Variants in GLI2 observed in about 807,000 individuals in gnomAD.
The protein encoded by GLI2 is transcription activator GLI2.
A neutral mutation model predicts 78.9 loss-of-function variants in GLI2; 22 were observed. The observed-to-expected ratio is 0.28, with a 90% confidence interval of 0.20 to 0.40. GLI2 has a LOEUF of 0.40. Ranked by LOEUF, GLI2 falls within the 10% of genes least tolerant of loss-of-function variation. GLI2 has a pLI of 1.00. For missense variants in GLI2, 2,097 were observed against 2,213.2 expected, an observed-to-expected ratio of 0.95 and a Z score of 1.05; for synonymous variants, 974 against 963.7, an observed-to-expected ratio of 1.01 and a Z score of -0.20.
chr2:120,768,308 G>A (rs1683424386), intron 1 of GLI2, among the ~76,000 whole-genome samples: 1 of 152,208 alleles, frequency 6.6e-6, no homozygotes. Context: ...GAGCCAGAGA[G>A]GAGAAGCGCC....
chr2:120,876,686 C>T (rs1204189970), intron 2 of GLI2, among the ~76,000 whole-genome samples: 1 of 151,998 alleles, frequency 6.6e-6, no homozygotes, highest in Non-Finnish European at 1.5e-5. Context: ...CTGAGGAAGG[C>T]CTGGCTCCAC....
intron 9 of GLI2, among the ~76,000 whole-genome samples, chr2:120,976,792 G>C (rs1682475071): frequency 6.6e-6 from 1 of 152,134 alleles, no homozygotes; most frequent in African/African-American, 2.4e-5. Context: ...CCAGGCCCTG[G>C]AAAAAGCAGA....
chr2:120,784,901 C>T (rs772418549), intron 1 of GLI2, among the ~76,000 whole-genome samples: 37 of 152,192 alleles, frequency 2.4e-4, no homozygotes, highest in Non-Finnish European at 4.3e-4. Flanking sequence ...CTCCCCACCC[C>T]ACACCTGGAC....
chr2:120,985,018 G>A (rs1018139333), intron 12 of GLI2, among the ~76,000 whole-genome samples: 2 of 152,178 alleles, frequency 1.3e-5, no homozygotes, highest in African/African-American at 2.4e-5. Flanking sequence ...GGCCTGCACA[G>A]GGCGGGGGTG....
At chr2:120,802,693 C>T (rs550765603) in intron 2 of GLI2, among the ~76,000 whole-genome samples, 13 of 152,258 alleles carry the variant, frequency 8.5e-5, no homozygotes, top group African/African-American at 2.9e-4. Flanking sequence ...AAAGGTGGAG[C>T]CATGAAACCC....
intron 2 of GLI2, among the ~76,000 whole-genome samples, chr2:120,903,273 T>C: frequency 6.6e-6 from 1 of 152,040 alleles, no homozygotes; most frequent in African/African-American, 2.4e-5. Flanking sequence ...GAAGAATTGC[T>C]TGAACCCAGG....
intron 2 of GLI2, among the ~76,000 whole-genome samples, chr2:120,863,557 T>C (rs529794151): frequency 6.6e-6 from 1 of 152,380 alleles, no homozygotes; most frequent in African/African-American, 2.4e-5. Flanking sequence ...AGTATTGTAT[T>C]TTTTAAATAG....
At chr2:120,903,894 A>T (rs1001283609) in intron 2 of GLI2, among the ~76,000 whole-genome samples, 9 of 152,096 alleles carry the variant, frequency 5.9e-5, no homozygotes, top group African/African-American at 2.2e-4. Flanking sequence ...CGGGCGGGTG[A>T]CTGTGGTGAC....
intron 2 of GLI2, among the ~76,000 whole-genome samples, chr2:120,877,403 T>G (rs1487411379): frequency 6.6e-6 from 1 of 152,202 alleles, no homozygotes; most frequent in Non-Finnish European, 1.5e-5. Context: ...GTAAAGTGCA[T>G]GCATCTTAAG....
chr2:120,750,986 G>C (rs892456664), intron 1 of GLI2, among the ~76,000 whole-genome samples: 1 of 152,264 alleles, frequency 6.6e-6, no homozygotes, highest in African/African-American at 2.4e-5. Context: ...CTTCCAGCCA[G>C]ATCCCTCCGG....
At chr2:120,947,108 G>A (rs1395909949) in intron 3 of GLI2, among the ~76,000 whole-genome samples, 2 of 152,168 alleles carry the variant, frequency 1.3e-5, no homozygotes, top group Non-Finnish European at 2.9e-5. Context: ...GAAACGGTGG[G>A]GAGAAAGCTC....
intron 2 of GLI2, among the ~76,000 whole-genome samples, chr2:120,868,138 A>C (rs771087604): frequency 6.6e-6 from 1 of 152,242 alleles, no homozygotes; most frequent in Admixed American, 6.5e-5. Context: ...CTGAGAGCTC[A>C]GTCTTCGCCA....
chr2:120,848,717 G>A (rs1183526712), intron 2 of GLI2, among the ~76,000 whole-genome samples: 1 of 152,164 alleles, frequency 6.6e-6, no homozygotes, highest in Non-Finnish European at 1.5e-5. Context: ...CCCACACTGG[G>A]GTGTGGGGAC....
intron 2 of GLI2, among the ~76,000 whole-genome samples, chr2:120,803,324 T>C (rs1013428981): frequency 6.6e-6 from 1 of 152,008 alleles, no homozygotes; most frequent in Admixed American, 6.6e-5. Context: ...TGAGCATTCC[T>C]TGAGTTAGCA....
chr2:120,851,647 C>G lies in GLI2; in HGVS notation c.148+54179C>G, dbSNP rs116578306. Among the ~76,000 whole-genome samples the G allele has an allele frequency of 3.9e-3, 594 of 152,322 alleles. 5 individuals are homozygous for G. Among genetic ancestry groups the G allele is most frequent in the African/African-American group, 0.013 (550 of 41,562 alleles). On this transcript the variant is annotated intron_variant, in intron 2 of 13. Transcript: ENST00000361492. ...GACTGAAAGGCCCCACCAGGGAGGT[C>G]TTCACACTGTCCCCGAACACAGAGG...
chr2:120,736,598 A>G (rs1211927297), intron 1 of GLI2, among the ~76,000 whole-genome samples: 2 of 143,736 alleles, frequency 1.4e-5, no homozygotes, highest in African/African-American at 5.3e-5. Context: ...GTGCACAGCG[A>G]GCCGGCCTCC....
chr2:120,912,401 C>A (rs1678868647), intron 2 of GLI2, among the ~76,000 whole-genome samples: 2 of 151,892 alleles, frequency 1.3e-5, no homozygotes, highest in African/African-American at 4.8e-5. Context: ...GTCATGAGAC[C>A]ACATATTCTG....
chr2:120,940,741 C>A (rs1231346649), intron 3 of GLI2, among the ~76,000 whole-genome samples: 6 of 152,238 alleles, frequency 3.9e-5, no homozygotes, highest in Non-Finnish European at 8.8e-5. Flanking sequence ...GCAGCAGCAC[C>A]CTGTCTTACC....
chr2:120,938,994 A>G (rs548981771), intron 3 of GLI2, among the ~76,000 whole-genome samples: 5 of 152,342 alleles, frequency 3.3e-5, no homozygotes, highest in South Asian at 4.1e-4. Flanking sequence ...AAAGAACAAC[A>G]AAAGTGGCCA....
Sources: gnomAD v4.1 joint callset for allele counts (sites outside exome capture counted in the v4.1 genomes callset) on GRCh38, gnomAD v4.1.1 for gene constraint, MANE v1.5 for transcripts, NCBI Gene and HGNC (gene_info 2026-07-23, HGNC 2026-07-21) for gene names.